Variants in ZNF385B observed in about 807,000 individuals in gnomAD.
ZNF385B encodes zinc finger protein 385B.
A neutral mutation model predicts 39.2 loss-of-function variants in ZNF385B; 23 were observed. That is an observed-to-expected ratio of 0.59 (90% CI 0.42 to 0.83). ZNF385B has a LOEUF of 0.83. Among genes scored for constraint, ZNF385B ranks in the 40% least tolerant of loss-of-function variants. ZNF385B has a pLI of 0.00. For missense variants in ZNF385B, 552 were observed against 598.9 expected (o/e 0.92, Z 0.82); for synonymous variants, 205 against 222.6 (o/e 0.92, Z 0.70).
intron 6 of ZNF385B, among the ~76,000 whole-genome samples, chr2:179,448,630 T>C (rs946830619): frequency 3.3e-5 from 5 of 152,118 alleles, no homozygotes; most frequent in African/African-American, 1.2e-4. Flanking sequence ...ACTTGTGAAA[T>C]AGGTAAGGCT....
chr2:179,499,251 A>G (rs1360915182), intron 5 of ZNF385B, among the ~76,000 whole-genome samples: 1 of 151,970 alleles, frequency 6.6e-6, no homozygotes, highest in Non-Finnish European at 1.5e-5. Flanking sequence ...GAAAGAACTA[A>G]TATTAATCCT....
intron 6 of ZNF385B, among the ~76,000 whole-genome samples, chr2:179,467,808 A>G (rs1003444326): frequency 9.2e-6 from 1 of 108,408 alleles, no homozygotes; most frequent in African/African-American, 3.3e-5. Flanking sequence ...GTCCTTTAGA[A>G]AAAAAAAAAC....
intron 1 of ZNF385B, among the ~76,000 whole-genome samples, chr2:179,806,220 A>C (rs1706340037): frequency 6.6e-6 from 1 of 152,224 alleles, no homozygotes. Flanking sequence ...AATAATAAAA[A>C]GCAAATAACC....
intron 5 of ZNF385B, among the ~76,000 whole-genome samples, chr2:179,484,392 T>C (rs1003067878): frequency 1.1e-4 from 16 of 152,020 alleles, no homozygotes; most frequent in African/African-American, 3.9e-4. Context: ...TAAACATAAA[T>C]GGTATATTAG....
chr2:179,461,308 G>A (rs1319146162), intron 6 of ZNF385B, among the ~76,000 whole-genome samples: 1 of 152,290 alleles, frequency 6.6e-6, no homozygotes, highest in South Asian at 2.1e-4. Context: ...GACTGTGAAA[G>A]GATAAACATG....
intron 3 of ZNF385B, among the ~76,000 whole-genome samples, chr2:179,565,804 A>G (rs2105978050): frequency 6.6e-6 from 1 of 152,336 alleles, no homozygotes; most frequent in African/African-American, 2.4e-5. Flanking sequence ...TTTTTTCAGA[A>G]GAAAGCATTT....
chr2:179,722,737 A>G (rs1700772508), intron 3 of ZNF385B, among the ~76,000 whole-genome samples: 1 of 152,162 alleles, frequency 6.6e-6, no homozygotes. Context: ...TATTAAAATT[A>G]AAGATTAATT....
At chr2:179,778,391 C>T (rs1413353254) in intron 1 of ZNF385B, among the ~76,000 whole-genome samples, 1 of 152,178 alleles carries the variant, frequency 6.6e-6, no homozygotes, top group Admixed American at 6.5e-5. Context: ...TAAGAGGGTC[C>T]AGGAAGCACT....
intron 6 of ZNF385B, among the ~76,000 whole-genome samples, chr2:179,453,893 T>A (rs1451279219): frequency 1.3e-5 from 2 of 152,210 alleles, no homozygotes; most frequent in African/African-American, 4.8e-5. Flanking sequence ...AGACAGCATC[T>A]GGACATCTGT....
At chr2:179,834,471 G>C (rs1440147715) in intron 1 of ZNF385B, among the ~76,000 whole-genome samples, 1 of 152,288 alleles carries the variant, frequency 6.6e-6, no homozygotes, top group East Asian at 1.9e-4. Flanking sequence ...ATTATGATAG[G>C]AGTGAATGAT....
At chr2:179,561,483 G>A (rs531293782) in intron 3 of ZNF385B, among the ~76,000 whole-genome samples, 77 of 152,150 alleles carry the variant, frequency 5.1e-4, no homozygotes, top group African/African-American at 1.8e-3. Context: ...AATAAAAGAA[G>A]TCAATGCTCT....
At chr2:179,847,224 C>T (rs1708842396) in intron 1 of ZNF385B, among the ~76,000 whole-genome samples, 1 of 152,160 alleles carries the variant, frequency 6.6e-6, no homozygotes, top group Non-Finnish European at 1.5e-5. Context: ...TAACTTTCTA[C>T]ACAAAGTTAT....
intron 3 of ZNF385B, among the ~76,000 whole-genome samples, chr2:179,743,995 C>T (rs768881103): frequency 2.2e-4 from 33 of 152,068 alleles, no homozygotes; most frequent in Non-Finnish European, 4.1e-4. Flanking sequence ...TTCCCTCTCT[C>T]CAACAGTGCT....
intron 3 of ZNF385B, among the ~76,000 whole-genome samples, chr2:179,613,195 T>G (rs533003768): frequency 8.3e-4 from 127 of 152,274 alleles, no homozygotes; most frequent in Non-Finnish European, 1.4e-3. Context: ...ACCCTGGAAC[T>G]GAGGACCCAA....
intron 6 of ZNF385B, among the ~76,000 whole-genome samples, chr2:179,449,361 C>T (rs948576990): frequency 1.3e-5 from 2 of 152,136 alleles, no homozygotes; most frequent in Non-Finnish European, 2.9e-5. Context: ...GCCATCGTCT[C>T]AGCCCAAAAT....
chr2:179,582,392 A>G (rs775558050), intron 3 of ZNF385B, among the ~76,000 whole-genome samples: 1 of 152,210 alleles, frequency 6.6e-6, no homozygotes, highest in Non-Finnish European at 1.5e-5. Context: ...ATTATGGAGA[A>G]AAAGTATGCT....
Position 179,493,768 on chromosome 2 carries a change from CAT to C in ZNF385B, c.553-10336_553-10335del, listed in dbSNP as rs1193842900. Among the ~76,000 whole-genome samples, 44 of 86,216 alleles carry C rather than the reference CAT, an allele frequency of 5.1e-4. 2 individuals are homozygous for C. Among genetic ancestry groups the C allele is most frequent in the Non-Finnish European group, 5.8e-4 (22 of 38,138 alleles). The allele number at this position is 86,216 out of a possible 152,430, so 56.6% of individuals were successfully genotyped here. On this transcript the variant is annotated intron_variant, in intron 5 of 9. Coordinates refer to ENST00000410066, the MANE Select transcript of ZNF385B (RefSeq NM_152520.6). The stretch of plus-strand genomic sequence containing the variant: ...ATATGTGTATATACATATATGTATA[CAT>C]ATATGTATATACACATATGTATACA...
chr2:179,832,693 T>A (rs1362459841), intron 1 of ZNF385B, among the ~76,000 whole-genome samples: 1 of 152,146 alleles, frequency 6.6e-6, no homozygotes, highest in African/African-American at 2.4e-5. Context: ...AATAACCAAC[T>A]TAAATGGCCA....
At chr2:179,686,111 C>A (rs1697904869) in intron 3 of ZNF385B, among the ~76,000 whole-genome samples, 1 of 152,208 alleles carries the variant, frequency 6.6e-6, no homozygotes, top group Non-Finnish European at 1.5e-5. Flanking sequence ...GCTAACATGA[C>A]AGGAAGAGTT....
Sources: gnomAD v4.1 joint callset for allele counts (sites outside exome capture counted in the v4.1 genomes callset) on GRCh38, gnomAD v4.1.1 for gene constraint, MANE v1.5 for transcripts, NCBI Gene and HGNC (gene_info 2026-07-23, HGNC 2026-07-21) for gene names.